Variants in AVEN observed in about 807,000 individuals in gnomAD.
The protein encoded by AVEN is apoptosis and caspase activation inhibitor, also known as cell death regulator Aven.
Under a neutral mutation model 38.1 loss-of-function variants are expected in AVEN, and 41 were observed. That is an observed-to-expected ratio of 1.08 (90% CI 0.84 to 1.40). AVEN has a LOEUF of 1.40. Ranked by LOEUF, AVEN falls within the 40% of genes most tolerant of loss-of-function variation. The pLI, the probability that AVEN is intolerant of heterozygous loss-of-function variation, is 0.00. For synonymous variants in AVEN, 206 were observed against 171.8 expected (o/e 1.20, Z -1.56); for missense variants, 605 against 438.8 (o/e 1.38, Z -3.38).
intron 2 of AVEN, chr15:33,991,065 T>A (rs537586777): frequency 6.6e-6 from 1 of 152,202 alleles, no homozygotes; most frequent in African/African-American, 2.4e-5. Flanking sequence ...TCCCAATGGA[T>A]GCAACTCCTG....
At chr15:33,917,326 A>G (rs1364424494) in intron 2 of AVEN, among the ~76,000 whole-genome samples, 3 of 150,960 alleles carry the variant, frequency 2.0e-5, no homozygotes, top group African/African-American at 4.9e-5. Flanking sequence ...ATGCCCATCA[A>G]TTAATGAATG....
chr15:34,049,126 CA>C (rs1330923462), intron 5 of AVEN, among the ~76,000 whole-genome samples: 1 of 152,172 alleles, frequency 6.6e-6, no homozygotes, highest in Non-Finnish European at 1.5e-5. Flanking sequence ...GCTGAAAACT[CA>C]AAAAGACAGA....
intron 2 of AVEN, among the ~76,000 whole-genome samples, chr15:33,898,526 T>A (rs558345055): frequency 5.9e-5 from 9 of 152,264 alleles, no homozygotes; most frequent in African/African-American, 2.2e-4. Context: ...CAGTTTGTAG[T>A]TGCATCACTC....
At position 33,978,751 on chromosome 15, in the gene AVEN, G is replaced by C. The variant is rs186788670; in HGVS notation, c.445+24281C>G. Among the ~76,000 whole-genome samples, 39 of 152,054 alleles carry C rather than the reference G, an allele frequency of 2.6e-4. No individual in the cohort carries two copies. The East Asian group carries it at 6.4e-3, about 25-fold the overall frequency. ...CAGGCATTTGAGAAAAACAGAATTCGGCCTTACTTTTTCCCTTTCCCCTGG... is the reference window on the plus strand; with the variant it reads ...CAGGCATTTGAGAAAAACAGAATTCCGCCTTACTTTTTCCCTTTCCCCTGG... On this transcript the variant is annotated intron_variant, in intron 2 of 5. Coordinates refer to ENST00000306730, the MANE Select transcript of AVEN (RefSeq NM_020371.3).
At chr15:33,872,768 C>G (rs768706262) in intron 3 of AVEN, among the ~76,000 whole-genome samples, 2 of 152,144 alleles carry the variant, frequency 1.3e-5, no homozygotes, top group Non-Finnish European at 2.9e-5. Context: ...TGTTTGTTCA[C>G]CCAGGGAAAT....
At chr15:33,912,313 G>A (rs1156338253) in intron 2 of AVEN, among the ~76,000 whole-genome samples, 1 of 152,184 alleles carries the variant, frequency 6.6e-6, no homozygotes, top group Non-Finnish European at 1.5e-5. Flanking sequence ...ACAGTTGGAA[G>A]GCATCCTATG....
intron 2 of AVEN, among the ~76,000 whole-genome samples, chr15:33,907,184 C>T (rs1036271887): frequency 1.3e-5 from 2 of 152,174 alleles, no homozygotes; most frequent in African/African-American, 2.4e-5. Flanking sequence ...AGACCCTGCT[C>T]GCCCAACTCC....
chr15:33,917,938 G>C (rs954616046), intron 2 of AVEN, among the ~76,000 whole-genome samples: 11 of 152,006 alleles, frequency 7.2e-5, no homozygotes, highest in Admixed American at 5.9e-4. Flanking sequence ...AACACCACCT[G>C]TTCCCTAAAA....
chr15:34,063,815 A>G lies in AVEN; in HGVS notation n.1127-383T>C. 1 of 1,614,230 alleles carries G rather than the reference A, an allele frequency of 6.2e-7. No individual in the cohort carries two copies. The highest frequency in any genetic ancestry group is 1.1e-5 in the South Asian group (1 of 91,088). On this transcript the variant is annotated intron_variant and non_coding_transcript_variant, in intron 4 of 11. Coordinates refer to the AVEN transcript ENST00000675287. The surrounding 1 kb of genome is among the most constrained non-coding windows in gnomAD (Gnocchi z 4.1). ...CCCCAAACTACCTTCTGTCTCCAGC[A>G]GCTGCTCATAGACCCAAGAGTCAGA...
At chr15:34,001,568 T>C (rs139752387) in intron 2 of AVEN, among the ~76,000 whole-genome samples, 45 of 152,272 alleles carry the variant, frequency 3.0e-4, no homozygotes, top group African/African-American at 9.9e-4. Flanking sequence ...TATAAACCCA[T>C]AATTGGCCAA....
At chr15:33,873,087 T>A (rs1246944781) in intron 3 of AVEN, among the ~76,000 whole-genome samples, 1 of 144,402 alleles carries the variant, frequency 6.9e-6, no homozygotes. Context: ...TTTCTACTTT[T>A]CCTTTTCTTT....
At chr15:33,863,911 G>A (rs1889460993), downstream of AVEN, among the ~76,000 whole-genome samples, 1 of 152,054 alleles carries the variant, frequency 6.6e-6, no homozygotes, top group Non-Finnish European at 1.5e-5. Context: ...CAAGGTATAG[G>A]GATGGCAAAA....
intron 3 of AVEN, 122 bp downstream of exon 3, chr15:33,875,803 A>T: frequency 1.1e-6 from 1 of 914,542 alleles, no homozygotes; most frequent in African/African-American, 1.7e-5. Context: ...AGTTTAGCTG[A>T]GGGTACACTG....
At chr15:34,014,975 G>A (rs1348852456) in intron 1 of AVEN, among the ~76,000 whole-genome samples, 2 of 152,126 alleles carry the variant, frequency 1.3e-5, no homozygotes, top group East Asian at 3.9e-4. Context: ...TTGAGAAGCA[G>A]GGACCATCTT....
intron 1 of AVEN, among the ~76,000 whole-genome samples, chr15:34,024,259 T>C (rs1201756760): frequency 6.6e-6 from 1 of 152,126 alleles, no homozygotes; most frequent in African/African-American, 2.4e-5. Flanking sequence ...ATAATGCTAT[T>C]ATAAATACAT....
intron 2 of AVEN, among the ~76,000 whole-genome samples, chr15:33,898,997 G>C (rs566291558): frequency 1.3e-5 from 2 of 152,308 alleles, no homozygotes; most frequent in African/African-American, 4.8e-5. Context: ...ACAGAGGTAG[G>C]AAAGGGTGAT....
downstream of AVEN, among the ~76,000 whole-genome samples, chr15:33,855,318 C>T (rs2079537797): frequency 6.6e-6 from 1 of 152,192 alleles, no homozygotes; most frequent in Non-Finnish European, 1.5e-5. Flanking sequence ...ATTCTCCTGC[C>T]TCAGCCTCCA....
chr15:33,870,826 C>G (rs936392829), intron 4 of AVEN, 109 bp downstream of exon 4: 2 of 736,798 alleles, frequency 2.7e-6, no homozygotes, highest in South Asian at 3.4e-5. Context: ...GAAACCCTCA[C>G]TTTTATAAAG....
chr15:34,003,072 T>C lies in AVEN; in HGVS notation c.405A>G (p.Ser135=), dbSNP rs778745031. The change falls in exon 2 of 6, where the codon TCA becomes TCG. Residue 135 remains serine (S), a synonymous_variant. Transcript: ENST00000306730. ...EKEVNNESGE[S]QRGTDFSVLL... ...GGACACTGAAATCTGTTCCCCTCTG[T>C]GACTCTCCACTTTCATTATTGACCT... is the stretch of plus-strand genomic sequence containing the variant. The C allele has an allele frequency of 3.7e-6, 6 of 1,614,044 alleles. No individual in the cohort carries two copies. Among genetic ancestry groups the C allele is most frequent in the African/African-American group, 2.7e-5 (2 of 75,062 alleles).
Sources: allele counts gnomAD v4.1 joint callset (sites outside exome capture counted in the v4.1 genomes callset), GRCh38; gene constraint gnomAD v4.1.1; non-coding constraint Gnocchi (gnomAD v3.1); transcripts MANE v1.5; gene names NCBI Gene and HGNC (gene_info 2026-07-23, HGNC 2026-07-21).